LDLRAD4: variants seen among roughly 807,000 people sequenced by gnomAD.
The protein encoded by LDLRAD4 is low-density lipoprotein receptor class A domain-containing protein 4.
A neutral mutation model predicts 17.0 loss-of-function variants in LDLRAD4; 5 were observed. The observed-to-expected ratio is 0.29, with a 90% confidence interval of 0.15 to 0.62. The LOEUF (loss-of-function observed/expected upper bound fraction) is 0.62, where lower values mean the gene tolerates loss of function less well. Among genes scored for constraint, LDLRAD4 ranks in the 20% least tolerant of loss-of-function variants. The pLI, the probability that LDLRAD4 is intolerant of heterozygous loss-of-function variation, is 0.84. For synonymous variants in LDLRAD4, 168 were observed against 171.8 expected (o/e 0.98, Z 0.17); for missense variants, 340 against 424.7 (o/e 0.80, Z 1.75).
intron 2 of LDLRAD4, among the ~76,000 whole-genome samples, chr18:13,408,107 C>T (rs571017859): frequency 3.3e-5 from 5 of 152,290 alleles, no homozygotes; most frequent in South Asian, 2.1e-4. Flanking sequence ...GGCACAATGG[C>T]TCATGCCTGT....
chr18:13,438,951 TTTG>T (rs2090846545), intron 3 of LDLRAD4, among the ~76,000 whole-genome samples: 2 of 152,198 alleles, frequency 1.3e-5, no homozygotes, highest in African/African-American at 4.8e-5. Flanking sequence ...TCTCATGGTT[TTTG>T]TGACAAGGAA....
chr18:13,525,619 G>T (rs1227431799), intron 3 of LDLRAD4, among the ~76,000 whole-genome samples: 1 of 152,248 alleles, frequency 6.6e-6, no homozygotes, highest in African/African-American at 2.4e-5. Context: ...ATCTGCCGGG[G>T]TGACCCACAA....
At chr18:13,311,569 A>T (rs1012630713) in intron 1 of LDLRAD4, among the ~76,000 whole-genome samples, 1 of 152,178 alleles carries the variant, frequency 6.6e-6, no homozygotes, top group African/African-American at 2.4e-5. Flanking sequence ...GGTTGTCGCC[A>T]TGTTCTCAGG....
intron 3 of LDLRAD4, among the ~76,000 whole-genome samples, chr18:13,529,482 G>A (rs565777976): frequency 3.9e-5 from 6 of 152,274 alleles, no homozygotes; most frequent in Admixed American, 6.5e-5. Flanking sequence ...AGGCTGTCGC[G>A]GTGCAAGACT....
intron 3 of LDLRAD4, among the ~76,000 whole-genome samples, chr18:13,501,486 C>CCTGTCTGT (rs372227038): frequency 1.7e-4 from 26 of 152,040 alleles, no homozygotes; most frequent in Non-Finnish European, 2.5e-4. Flanking sequence ...TTTCCTTGAG[C>CCTGTCTGT]CTGTCTGTCT....
chr18:13,556,375 A>G (rs1601355870), intron 3 of LDLRAD4, among the ~76,000 whole-genome samples: 1 of 152,248 alleles, frequency 6.6e-6, no homozygotes, highest in Non-Finnish European at 1.5e-5. Context: ...CAAGAGCCTT[A>G]CCATCCAGTG....
At chr18:13,295,794 C>G (rs8085048) in intron 1 of LDLRAD4, among the ~76,000 whole-genome samples, 1 of 152,058 alleles carries the variant, frequency 6.6e-6, no homozygotes, top group Non-Finnish European at 1.5e-5. Context: ...AGAAATAAAC[C>G]ATCATGTATA....
At chr18:13,442,449 G>A (rs1185396178) in intron 3 of LDLRAD4, among the ~76,000 whole-genome samples, 2 of 152,234 alleles carry the variant, frequency 1.3e-5, no homozygotes, top group South Asian at 2.1e-4. Flanking sequence ...AAGAGCATGA[G>A]CGTAGGTTGG....
At chr18:13,397,261 A>G (rs1382261237) in intron 2 of LDLRAD4, among the ~76,000 whole-genome samples, 2 of 151,912 alleles carry the variant, frequency 1.3e-5, no homozygotes, top group Admixed American at 1.3e-4. Flanking sequence ...CTCTTGCCTC[A>G]GCCTCCCAAG....
At chr18:13,303,667 T>A (rs1410540277) in intron 1 of LDLRAD4, among the ~76,000 whole-genome samples, 1 of 152,138 alleles carries the variant, frequency 6.6e-6, no homozygotes, top group African/African-American at 2.4e-5. Context: ...AAGGGAGTTA[T>A]TTTCTACATG....
At chr18:13,347,686 C>T (rs2082772341) in intron 1 of LDLRAD4, among the ~76,000 whole-genome samples, 1 of 152,232 alleles carries the variant, frequency 6.6e-6, no homozygotes, top group Non-Finnish European at 1.5e-5. Context: ...TGGTTCCATT[C>T]TCCCCGTCAC....
intron 1 of LDLRAD4, among the ~76,000 whole-genome samples, chr18:13,356,824 C>T (rs1257468115): frequency 6.6e-6 from 1 of 152,194 alleles, no homozygotes; most frequent in East Asian, 1.9e-4. Context: ...TTAATCTTCT[C>T]TAATTAGAAC....
intron 4 of LDLRAD4, among the ~76,000 whole-genome samples, chr18:13,624,640 A>G (rs768844993): frequency 6.6e-6 from 1 of 152,148 alleles, no homozygotes; most frequent in Non-Finnish European, 1.5e-5. Flanking sequence ...CTCCGTCCCC[A>G]TGCCTGGCCT....
chr18:13,428,589 G>T (rs886148024), intron 2 of LDLRAD4, among the ~76,000 whole-genome samples: 2 of 152,192 alleles, frequency 1.3e-5, no homozygotes, highest in Non-Finnish European at 2.9e-5. Context: ...GTAAACCGTG[G>T]TGGAAGGACA....
chr18:13,224,570 C>G (rs1301362939), intron 1 of LDLRAD4, among the ~76,000 whole-genome samples: 2 of 146,662 alleles, frequency 1.4e-5, no homozygotes, highest in Non-Finnish European at 3.0e-5. Context: ...AGCTCTGCCT[C>G]CAGGGTTCAT....
chr18:13,561,191 G>GA (rs572539295), intron 3 of LDLRAD4, among the ~76,000 whole-genome samples: 10 of 152,336 alleles, frequency 6.6e-5, no homozygotes, highest in Non-Finnish European at 5.9e-5. Flanking sequence ...TTGAAAGGTT[G>GA]AAAGGCGTTA....
intron 3 of LDLRAD4, among the ~76,000 whole-genome samples, chr18:13,496,331 G>A (rs2093468914): frequency 6.6e-6 from 1 of 152,158 alleles, no homozygotes; most frequent in Non-Finnish European, 1.5e-5. Context: ...GTGGGGTCTG[G>A]CCTGAAGTCA....
Position 13,308,277 on chromosome 18 carries a change from G to A in LDLRAD4, c.-383+30089G>A, listed in dbSNP as rs552628277. Among the ~76,000 whole-genome samples, 4 of 152,236 alleles carry A rather than the reference G, an allele frequency of 2.6e-5. No individual in the cohort carries two copies. The South Asian group carries it at 8.3e-4, about 32-fold the overall frequency. ...CAGCCATCTGGTGTCCCATTTAATA[G>A]ACATGCCAGTTTACATAACCAGTCC... On this transcript the variant is annotated intron_variant, in intron 1 of 5. Coordinates refer to ENST00000359446, the Ensembl canonical transcript of LDLRAD4.
At chr18:13,592,419 C>T (rs1199109632) in intron 3 of LDLRAD4, among the ~76,000 whole-genome samples, 1 of 152,178 alleles carries the variant, frequency 6.6e-6, no homozygotes, top group Non-Finnish European at 1.5e-5. Context: ...GCAACCCATG[C>T]TTTAGAAAAT....
Sources: gnomAD v4.1 joint callset for allele counts (sites outside exome capture counted in the v4.1 genomes callset) on GRCh38, gnomAD v4.1.1 for gene constraint, MANE v1.5 for transcripts, NCBI Gene and HGNC (gene_info 2026-07-23, HGNC 2026-07-21) for gene names.